The following SDCCAG8 variants were observed in gnomAD, a reference collection of about 807,000 sequenced individuals.
The protein encoded by SDCCAG8 is serologically defined colon cancer antigen 8.
A neutral mutation model predicts 101.8 loss-of-function variants in SDCCAG8; 74 were observed. That is an observed-to-expected ratio of 0.73 (90% CI 0.60 to 0.88). The LOEUF is 0.88. Among genes scored for constraint, SDCCAG8 ranks in the 40% least tolerant of loss-of-function variants. The pLI is 0.00. For missense variants in SDCCAG8, 787 were observed against 822.6 expected, an observed-to-expected ratio of 0.96 and a Z score of 0.53; for synonymous variants, 281 against 292.9, an observed-to-expected ratio of 0.96 and a Z score of 0.41.
intron 12 of SDCCAG8, among the ~76,000 whole-genome samples, chr1:243,377,023 C>T (rs962676250): frequency 6.6e-6 from 1 of 152,120 alleles, no homozygotes; most frequent in Non-Finnish European, 1.5e-5. Context: ...TAATATATCC[C>T]TCATCTGGCT....
At chr1:243,484,645 G>A (rs1383673515) in intron 16 of SDCCAG8, among the ~76,000 whole-genome samples, 3 of 152,094 alleles carry the variant, frequency 2.0e-5, no homozygotes, top group Non-Finnish European at 4.4e-5. Flanking sequence ...AGTTGAGCAT[G>A]TTTTTTTTAC....
At chr1:243,267,644 TG>T (rs2067733363) in intron 1 of SDCCAG8, 1 of 732,338 alleles carries the variant, frequency 1.4e-6, no homozygotes, top group Admixed American at 1.8e-5. Context: ...GTGGGCACAA[TG>T]TAACACTTAC....
intron 13 of SDCCAG8, among the ~76,000 whole-genome samples, chr1:243,399,387 A>G (rs1196529865): frequency 2.0e-5 from 3 of 152,202 alleles, no homozygotes; most frequent in Non-Finnish European, 4.4e-5. Context: ...GGAAAAAAAA[A>G]TTATTTTTGG....
At chr1:243,447,347 A>G (rs185114679) in intron 16 of SDCCAG8, among the ~76,000 whole-genome samples, 65 of 152,134 alleles carry the variant, frequency 4.3e-4, no homozygotes, top group Middle Eastern at 3.4e-3. Flanking sequence ...GAACAAATCA[A>G]TAGGTAATGA....
chr1:243,454,378 G>A (rs1015895109), intron 16 of SDCCAG8, among the ~76,000 whole-genome samples: 3 of 152,126 alleles, frequency 2.0e-5, no homozygotes, highest in Admixed American at 6.5e-5. Context: ...TCCTCTTCCC[G>A]GGACTCATAC....
At chr1:243,403,102 G>C (rs1317143358) in intron 13 of SDCCAG8, among the ~76,000 whole-genome samples, 5 of 152,238 alleles carry the variant, frequency 3.3e-5, no homozygotes, top group Non-Finnish European at 7.3e-5. Flanking sequence ...TTCAAATGGT[G>C]ATCTGGGCTG....
intron 16 of SDCCAG8, among the ~76,000 whole-genome samples, chr1:243,439,622 T>TCTCACACACACACACACACACA (rs541157518): frequency 8.3e-6 from 1 of 120,202 alleles, no homozygotes; most frequent in African/African-American, 3.3e-5. Flanking sequence ...TGAGACTCCA[T>TCTCACACACACACACACACACA]CACACACACA....
intron 16 of SDCCAG8, among the ~76,000 whole-genome samples, chr1:243,480,503 A>G (rs1360094752): frequency 3.8e-5 from 2 of 52,512 alleles, no homozygotes; most frequent in Non-Finnish European, 7.2e-5. Context: ...GGATGGATGG[A>G]TGGATAGGTG....
At chr1:243,471,072 A>T (rs1406013810) in intron 16 of SDCCAG8, among the ~76,000 whole-genome samples, 1 of 151,666 alleles carries the variant, frequency 6.6e-6, no homozygotes, top group Non-Finnish European at 1.5e-5. Context: ...TTGTTGGGGG[A>T]TGGAGGGAAG....
chr1:243,352,892 T>C (rs1314023492), intron 12 of SDCCAG8, among the ~76,000 whole-genome samples: 1 of 152,216 alleles, frequency 6.6e-6, no homozygotes, highest in Non-Finnish European at 1.5e-5. Flanking sequence ...TTATTCTTCA[T>C]AGTGATCACT....
chr1:243,414,062 T>C (rs1482999796), intron 13 of SDCCAG8, among the ~76,000 whole-genome samples: 1 of 152,100 alleles, frequency 6.6e-6, no homozygotes, highest in Non-Finnish European at 1.5e-5. Context: ...TATAGAGAGA[T>C]AAAGATGACA....
chr1:243,499,604 A>G lies in SDCCAG8; in HGVS notation c.2113-152A>G, dbSNP rs569507064. On this transcript the variant is annotated intron_variant, in intron 17 of 17. Coordinates refer to ENST00000366541, the MANE Select transcript of SDCCAG8 (RefSeq NM_006642.5). ...CTTTGATGTGGACAAGATGAGGCAC[A>G]AACTTTTCATATAATTTCCACATTT... 4 of 708,362 alleles carry G rather than the reference A, an allele frequency of 5.6e-6. No homozygotes were observed. In the South Asian group the frequency reaches 6.2e-5, roughly 11 times the overall value. The allele number at this position is 708,362 out of a possible 1,614,324, so 43.9% of individuals were successfully genotyped here.
intron 17 of SDCCAG8, among the ~76,000 whole-genome samples, chr1:243,491,068 C>G (rs892098492): frequency 6.6e-6 from 1 of 152,196 alleles, no homozygotes; most frequent in African/African-American, 2.4e-5. Flanking sequence ...GGGAGTCTTC[C>G]GTGGAAGCTG....
intron 16 of SDCCAG8, among the ~76,000 whole-genome samples, chr1:243,440,335 A>C (rs1481470948): frequency 6.6e-6 from 1 of 152,142 alleles, no homozygotes; most frequent in Non-Finnish European, 1.5e-5. Flanking sequence ...GAAAAGAAAA[A>C]CATTAACTAG....
At chr1:243,406,596 C>T in intron 13 of SDCCAG8, among the ~76,000 whole-genome samples, 1 of 152,188 alleles carries the variant, frequency 6.6e-6, no homozygotes, top group East Asian at 1.9e-4. Flanking sequence ...CGAGTGTGAT[C>T]ACAACACTCC....
chr1:243,384,209 A>G (rs2078131353), intron 13 of SDCCAG8, among the ~76,000 whole-genome samples: 1 of 152,222 alleles, frequency 6.6e-6, no homozygotes, highest in African/African-American at 2.4e-5. Flanking sequence ...AGGTCTTATC[A>G]GTATTATATT....
At chr1:243,477,490 C>A (rs1662672786) in intron 16 of SDCCAG8, among the ~76,000 whole-genome samples, 1 of 152,226 alleles carries the variant, frequency 6.6e-6, no homozygotes, top group Non-Finnish European at 1.5e-5. Context: ...ATCCTTTATT[C>A]ATGCCCAGTC....
At chr1:243,423,404 C>A (rs576722959) in intron 15 of SDCCAG8, among the ~76,000 whole-genome samples, 34 of 152,128 alleles carry the variant, frequency 2.2e-4, no homozygotes, top group Admixed American at 1.6e-3. Flanking sequence ...TGAGATTATA[C>A]CGTATATACA....
intron 16 of SDCCAG8, among the ~76,000 whole-genome samples, chr1:243,461,666 T>C (rs2148160374): frequency 6.6e-6 from 1 of 152,342 alleles, no homozygotes; most frequent in African/African-American, 2.4e-5. Flanking sequence ...TTGGAACCTT[T>C]GTTACCACTG....
Sources: allele counts gnomAD v4.1 joint callset (sites outside exome capture counted in the v4.1 genomes callset), GRCh38; gene constraint gnomAD v4.1.1; transcripts MANE v1.5; gene names NCBI Gene and HGNC (gene_info 2026-07-23, HGNC 2026-07-21).